The following MYH7B variants were observed in gnomAD, a reference collection of about 807,000 sequenced individuals.
MYH7B encodes myosin heavy chain 7B, also known as myosin-7B.
MYH7B carries 205 observed loss-of-function variants against 234.5 expected under a neutral mutation model. That is an observed-to-expected ratio of 0.87 (90% CI 0.78 to 0.98). The LOEUF (loss-of-function observed/expected upper bound fraction) is 0.98, where lower values mean the gene tolerates loss of function less well. Ranked by LOEUF, MYH7B falls within the 50% of genes least tolerant of loss-of-function variation. The pLI, the probability that MYH7B is intolerant of heterozygous loss-of-function variation, is 0.00. For missense variants in MYH7B, 2,652 were observed against 2,633.4 expected (o/e 1.01, Z -0.15); for synonymous variants, 1,193 against 1,105.0 (o/e 1.08, Z -1.58).
intron 3 of MYH7B, among the ~76,000 whole-genome samples, chr20:34,975,809 G>A (rs1458537968): frequency 1.3e-5 from 2 of 152,112 alleles, no homozygotes; most frequent in African/African-American, 4.8e-5. Flanking sequence ...TCTGCCTCCC[G>A]GGTTCACGCC....
chr20:35,001,592 G>A lies in MYH7B; in HGVS notation c.5676+66G>A, dbSNP rs1489495385. 2.9e-6 allele frequency: 4 copies of A among 1,401,280 alleles called. No individual in the cohort carries two copies. In the East Asian group the frequency reaches 7.4e-5, roughly 26 times the overall value. 86.8% of individuals were successfully genotyped at this position (1,401,280 alleles called of 1,614,324 possible). On this transcript the variant is annotated intron_variant, in intron 43 of 44. Coordinates refer to ENST00000262873, the Ensembl canonical transcript of MYH7B. ...AGCTCTGCCCCAGGGTCTGTGGCCAGGTGAGGCATCAGCAGCAGCTCCACC... is the reference window on the plus strand; with the variant it reads ...AGCTCTGCCCCAGGGTCTGTGGCCAAGTGAGGCATCAGCAGCAGCTCCACC...
At chr20:34,988,198 G>T (rs772801353) in exon 19 of MYH7B, 1 of 1,614,162 alleles carries the variant, frequency 6.2e-7, no homozygotes, top group African/African-American at 1.3e-5. Flanking sequence ...AAGCGGGAGG[G>T]CATCGACTGG....
intron 2 of MYH7B, among the ~76,000 whole-genome samples, chr20:34,958,845 C>A (rs1027367279): frequency 6.6e-6 from 1 of 152,192 alleles, no homozygotes; most frequent in Admixed American, 6.5e-5. Flanking sequence ...AGAATGTGAG[C>A]CCCATGAAAA....
intron 24 of MYH7B, among the ~76,000 whole-genome samples, chr20:34,991,464 A>G (rs2082149478): frequency 6.6e-6 from 1 of 152,240 alleles, no homozygotes; most frequent in African/African-American, 2.4e-5. Flanking sequence ...CTACAAAAAC[A>G]GGGTTTTTTG....
intron 2 of MYH7B, among the ~76,000 whole-genome samples, chr20:34,970,793 A>G (rs1341066828): frequency 1.3e-5 from 2 of 152,184 alleles, no homozygotes; most frequent in Non-Finnish European, 2.9e-5. Flanking sequence ...AGGCCAAGAC[A>G]GAAATACAGA....
At chr20:34,987,787 T>C (rs1243868368) in exon 18 of MYH7B, 2 of 1,614,208 alleles carry the variant, frequency 1.2e-6, no homozygotes, top group Non-Finnish European at 1.7e-6. Flanking sequence ...GTGGGGGCTC[T>C]GGCCAAGGCC....
intron 26 of MYH7B, 136 bp from the exon 27 acceptor site, chr20:34,994,010 C>T (rs1247527283): frequency 1.7e-6 from 2 of 1,197,310 alleles, no homozygotes; most frequent in Non-Finnish European, 2.4e-6. Context: ...TCCCCTCACC[C>T]TCACCTATAA....
Position 34,996,469 on chromosome 20 carries a change from C to T in MYH7B, c.3067C>T (p.Arg1023Cys), listed in dbSNP as rs746378931. 9.9e-6 allele frequency: 16 copies of T among 1,612,886 alleles called. No homozygotes were observed. The East Asian group carries it at 1.6e-4, about 16-fold the overall frequency. ...GGGTGACCTGCAGGCCGAGGAGGAC[C>T]GTGTGAGCGCGCTGACCAAGGCCAA... The change falls in exon 29 of 45, where the codon CGT (arginine) becomes TGT (cysteine). Residue 1023 changes from arginine to cysteine, a missense_variant. By Grantham distance (180) the Arg-to-Cys change is radical. Transcript: ENST00000262873.
At chr20:34,999,601 G>A in exon 37 of MYH7B, 1 of 1,613,186 alleles carries the variant, frequency 6.2e-7, no homozygotes, top group East Asian at 2.2e-5. Context: ...GACCAGGTGA[G>A]TCTCAGTGGG....
chr20:34,971,675 T>G (rs901374702), intron 2 of MYH7B, among the ~76,000 whole-genome samples: 2 of 152,182 alleles, frequency 1.3e-5, no homozygotes, highest in Non-Finnish European at 2.9e-5. Flanking sequence ...CCTGAGTCCT[T>G]CTTCCTGCCA....
At chr20:34,994,043 C>G (rs926454791) in intron 26 of MYH7B, 103 bp from the exon 27 acceptor site, 1 of 1,457,262 alleles carries the variant, frequency 6.9e-7, no homozygotes, top group Admixed American at 1.9e-5. Flanking sequence ...AGGAGCTACT[C>G]CATGAGGCTG....
At chr20:34,981,111 A>G (rs753888398) in intron 9 of MYH7B, 51 bp downstream of exon 9, 3 of 1,608,230 alleles carry the variant, frequency 1.9e-6, no homozygotes, top group Non-Finnish European at 2.6e-6. Context: ...CATCTGGCAG[A>G]AAGAGGGCGG....
chr20:34,994,347 G>A, exon 27 of MYH7B: 5 of 1,606,018 alleles, frequency 3.1e-6, no homozygotes, highest in Non-Finnish European at 4.3e-6. Context: ...AACTGGAGGA[G>A]ACGCACGTCA....
At chr20:34,987,570 T>C in exon 17 of MYH7B, 2 of 1,613,218 alleles carry the variant, frequency 1.2e-6, no homozygotes, top group South Asian at 2.2e-5. Context: ...CTGACAAGGC[T>C]GCCTACCTGA....
chr20:34,984,711 C>CG lies in MYH7B; in HGVS notation c.648+1dup, dbSNP rs764132097. ...CCCCAGCAATTTCTGGCAACAAAGA[C>CG]GGGGGTGAGTATGGGGCCAATGTCA... On this transcript the variant is annotated frameshift_variant, in exon 11 of 45. Coordinates refer to ENST00000262873, the Ensembl canonical transcript of MYH7B. LOFTEE classifies it high-confidence loss of function. The CG allele has an allele frequency of 2.1e-5, 34 of 1,604,280 alleles. No homozygotes were observed. The highest frequency in any genetic ancestry group is 2.2e-5 in the Non-Finnish European group (26 of 1,176,970).
Position 34,988,268 on chromosome 20 carries a change from T to TGCC in MYH7B, c.1587+9_1587+11dup. On this transcript the variant is annotated splice_region_variant and intron_variant, in intron 19 of 44. Transcript: ENST00000262873. ...GCATCGACCTCATCGAGAAGGTGGG[T>TGCC]GCCGCGGCAAGGTCACTTTGAGGAA... The TGCC allele has an allele frequency of 6.2e-7, 1 of 1,608,802 alleles. No individual in the cohort carries two copies. Among genetic ancestry groups the TGCC allele is most frequent in the Non-Finnish European group, 8.5e-7 (1 of 1,176,042 alleles).
intron 2 of MYH7B, among the ~76,000 whole-genome samples, chr20:34,973,339 A>AG (rs2081810108): frequency 6.6e-6 from 1 of 152,154 alleles, no homozygotes; most frequent in Admixed American, 6.6e-5. Context: ...TTCCTTTCCT[A>AG]GACAATGAGT....
chr20:34,997,512 G>A lies in MYH7B; in HGVS notation c.3619G>A (p.Ala1207Thr), dbSNP rs775595242. 11 of 1,594,738 alleles carry A rather than the reference G, an allele frequency of 6.9e-6. 1 individual carries two copies. Among genetic ancestry groups the A allele is most frequent in the Admixed American group, 1.7e-5 (1 of 57,904 alleles). Reference sequence around the variant, plus strand: ...ACTGCGGCGCAAGCAGGCGGAGGGCGCGGCGGAGCTGGGGGAGCAGGTGGA... The same window carrying A: ...ACTGCGGCGCAAGCAGGCGGAGGGCACGGCGGAGCTGGGGGAGCAGGTGGA... The change falls in exon 32 of 45, where the codon GCG becomes ACG. Residue 1207 changes from alanine (A) to threonine (T), a missense_variant. By Grantham distance (58) the Ala-to-Thr change is moderately conservative. This residue lies in a region of MYH7B where 2,279 missense variants were observed against 2,211.4 expected (regional missense o/e 1.03). Transcript: ENST00000262873.
intron 26 of MYH7B, 118 bp downstream of exon 26, chr20:34,993,588 T>TC: frequency 3.3e-6 from 4 of 1,221,252 alleles, no homozygotes; most frequent in Non-Finnish European, 4.4e-6. Context: ...CTGTGGCTGG[T>TC]TGGGGCAAGG....
Sources: allele counts gnomAD v4.1 joint callset (sites outside exome capture counted in the v4.1 genomes callset), GRCh38; gene constraint gnomAD v4.1.1; regional missense constraint gnomAD v4.1.1; transcripts MANE v1.5; gene names NCBI Gene and HGNC (gene_info 2026-07-23, HGNC 2026-07-21).